Variants in VSTM5 observed in about 807,000 individuals in gnomAD.
VSTM5 encodes the protein V-set and transmembrane domain containing 5.
In VSTM5, 21 loss-of-function variants were observed where a neutral mutation model predicts 20.3. The ratio of observed to expected loss-of-function variants is 1.03; its 90% CI spans 0.73 to 1.49. The LOEUF (loss-of-function observed/expected upper bound fraction) is 1.49, where lower values mean the gene tolerates loss of function less well. Ranked by LOEUF, VSTM5 falls within the 40% of genes most tolerant of loss-of-function variation. VSTM5 has a pLI of 0.00. For missense variants in VSTM5, 219 were observed against 250.0 expected, an observed-to-expected ratio of 0.88 and a Z score of 0.84; for synonymous variants, 100 against 102.5, an observed-to-expected ratio of 0.98 and a Z score of 0.14.
At chr11:93,835,424 A>G (rs1944315811) in intron 1 of VSTM5, among the ~76,000 whole-genome samples, 1 of 152,132 alleles carries the variant, frequency 6.6e-6, no homozygotes, top group African/African-American at 2.4e-5. Flanking sequence ...CCCTGTGTCT[A>G]AAAAAATTTA....
rs146001767 is a variant in VSTM5 at position 93,849,129 on chromosome 11, TTC to T, written c.91+1281_91+1282del. Among the ~76,000 whole-genome samples the T allele has an allele frequency of 3.6e-3, 551 of 152,114 alleles. 4 individuals carry two copies. Among genetic ancestry groups the T allele is most frequent in the African/African-American group, 0.012 (513 of 41,440 alleles). On this transcript the variant is annotated intron_variant, in intron 1 of 3. Transcript: ENST00000409977. ...GTATAAGTTAACATAATATTATTTT[TTC>T]TCTCTCTCTCTTCTTTTCTTTTTCT...
intron 1 of VSTM5, among the ~76,000 whole-genome samples, chr11:93,830,549 C>T (rs631261): frequency 0.74 from 112,943 of 152,196 alleles, 44,597 homozygotes; most frequent in Non-Finnish European, 0.86. Context: ...TGAAAATATA[C>T]TTGCATGAAT....
chr11:93,821,047 G>A lies in VSTM5; in HGVS notation c.368C>T (p.Thr123Met), dbSNP rs376977355. Residue 123 changes from threonine (T) to methionine (M), a missense_variant, in exon 2 of 4, where the codon ACG becomes ATG. By Grantham distance (81) the Thr-to-Met change is moderately conservative. Transcript: ENST00000409977. ...RDSGYYVITVTERLGSSQFGT... is the reference protein window; with the variant it reads ...RDSGYYVITVMERLGSSQFGT... ...AAACTGGCTGCTCCCCAGGCGCTCC[G>A]TCACGGTGATGACATAGTAGCCGGA... The A allele has an allele frequency of 1.0e-4, 161 of 1,551,716 alleles. No individual in the cohort carries two copies. In the African/African-American group the frequency reaches 1.3e-3, roughly 13 times the overall value.
intron 1 of VSTM5, among the ~76,000 whole-genome samples, chr11:93,838,479 C>A (rs995628370): frequency 6.6e-6 from 1 of 150,528 alleles, no homozygotes; most frequent in Non-Finnish European, 1.5e-5. Flanking sequence ...CGTAAAAAAA[C>A]CCACAAAAAA....
At chr11:93,826,069 T>C (rs1944232226) in intron 1 of VSTM5, among the ~76,000 whole-genome samples, 1 of 152,036 alleles carries the variant, frequency 6.6e-6, no homozygotes, top group Admixed American at 6.6e-5. Flanking sequence ...AGTGAAACTG[T>C]ATCTCTACAG....
At chr11:93,827,382 CATAATA>C (rs546699050) in intron 1 of VSTM5, among the ~76,000 whole-genome samples, 1 of 152,156 alleles carries the variant, frequency 6.6e-6, no homozygotes, top group Non-Finnish European at 1.5e-5. Context: ...AACTCCATCT[CATAATA>C]ATAATAATCT....
Position 93,820,996 on chromosome 11 carries a change from C to A in VSTM5, c.418+1G>T, listed in dbSNP as rs746638263. The A allele has an allele frequency of 6.4e-7, 1 of 1,551,466 alleles. No homozygotes were observed. ...GTGCCCGGGGCCCTGGGATGTCTTA[C>A]CAGAGACGTGCAGCACGATGGTGCC... On this transcript the variant is annotated splice_donor_variant, in intron 2 of 3. Transcript: ENST00000409977. LOFTEE classifies it high-confidence loss of function.
rs1231606897 is a variant in VSTM5 at position 93,821,220 on chromosome 11, G to A, written c.195C>T (p.Ile65=). Residue 65 remains isoleucine (I), a synonymous_variant, in exon 2 of 4, where the codon ATC becomes ATT. Transcript: ENST00000409977. ...CCCAATTGGATGAATATGTCCATTCGATGGTGGGCACTCCATGACAGGAGT... is the reference window on the plus strand; with the variant it reads ...CCCAATTGGATGAATATGTCCATTCAATGGTGGGCACTCCATGACAGGAGT... ...VEYSCHGVPT[I]EWTYSSNWGT... is the part of the protein sequence containing the mutation. 7 of 1,552,000 alleles carry A rather than the reference G, an allele frequency of 4.5e-6. No individual in the cohort carries two copies. The highest frequency in any genetic ancestry group is 2.7e-5 in the African/African-American group (2 of 73,136).
chr11:93,824,889 A>C (rs900104915), intron 1 of VSTM5, among the ~76,000 whole-genome samples: 1 of 152,210 alleles, frequency 6.6e-6, no homozygotes, highest in Non-Finnish European at 1.5e-5. Flanking sequence ...ACATGTGAAT[A>C]TTCAGTTTTG....
At chr11:93,835,007 A>G (rs1944312748) in intron 1 of VSTM5, among the ~76,000 whole-genome samples, 1 of 152,106 alleles carries the variant, frequency 6.6e-6, no homozygotes, top group Non-Finnish European at 1.5e-5. Context: ...GCTCTCAATG[A>G]GCCTCCTCAC....
intron 1 of VSTM5, among the ~76,000 whole-genome samples, chr11:93,825,404 A>T (rs1263779659): frequency 6.6e-6 from 1 of 152,212 alleles, no homozygotes; most frequent in Non-Finnish European, 1.5e-5. Flanking sequence ...TCCTGGGCTC[A>T]AGCTATCCAA....
chr11:93,838,636 A>T (rs1246603278), intron 1 of VSTM5, among the ~76,000 whole-genome samples: 1 of 150,696 alleles, frequency 6.6e-6, no homozygotes, highest in Non-Finnish European at 1.5e-5. Flanking sequence ...TTAAAAAAAA[A>T]AAAAAAAAAA....
At chr11:93,828,334 C>T (rs1416872158) in intron 1 of VSTM5, among the ~76,000 whole-genome samples, 2 of 152,182 alleles carry the variant, frequency 1.3e-5, no homozygotes, top group African/African-American at 2.4e-5. Flanking sequence ...GGTAACTAAT[C>T]AGAAAGCTGT....
rs947805489 is a variant in VSTM5 at position 93,818,576 on chromosome 11, G to A, written c.*1993C>T. 6.8e-6 allele frequency: 1 copy of A among 146,726 alleles called. No individual in the cohort carries two copies. Among genetic ancestry groups the A allele is most frequent in the Non-Finnish European group, 1.5e-5 (1 of 67,172 alleles). The allele number at this position is 146,726 out of a possible 1,614,324, so 9.1% of individuals were successfully genotyped here. A position where few individuals can be genotyped will look rare whatever the true frequency, so the allele number is the denominator to read the frequency against. On this transcript the variant is annotated 3_prime_UTR_variant, in exon 4 of 4. Transcript: ENST00000409977. ...TGACATCTGCCATGGAGGCCTCTTA[G>A]TGGGTGTTCTTTTCCAACTCCCCTT...
Position 93,820,493 on chromosome 11 carries a change from A to G in VSTM5, c.*76T>C. On this transcript the variant is annotated 3_prime_UTR_variant, in exon 4 of 4. Coordinates refer to ENST00000409977, the MANE Select transcript of VSTM5 (RefSeq NM_001144871.2). ...TGCAACAGGACCACACACAATGGGT[A>G]TAATAGCTGTGCTTGCTCTTTTTGT... The G allele has an allele frequency of 6.7e-7, 1 of 1,493,162 alleles. No homozygotes were observed. Among genetic ancestry groups the G allele is most frequent in the Non-Finnish European group, 9.1e-7 (1 of 1,096,534 alleles). The allele number at this position is 1,493,162 out of a possible 1,614,324, so 92.5% of individuals were successfully genotyped here. A position where few individuals can be genotyped will look rare whatever the true frequency, so the allele number is the denominator to read the frequency against.
intron 1 of VSTM5, chr11:93,821,583 G>C (rs1944186738): frequency 2.1e-6 from 1 of 480,116 alleles, no homozygotes; most frequent in South Asian, 2.5e-5. Flanking sequence ...CATGAAATCT[G>C]ACACCTTTGT....
chr11:93,835,145 C>T (rs910758950), intron 1 of VSTM5, among the ~76,000 whole-genome samples: 2 of 152,108 alleles, frequency 1.3e-5, no homozygotes, highest in African/African-American at 4.8e-5. Flanking sequence ...ATTCTTATGG[C>T]CAGGTGCAGG....
At chr11:93,843,662 T>C (rs582045) in intron 1 of VSTM5, among the ~76,000 whole-genome samples, 113,520 of 152,070 alleles carry the variant, frequency 0.75, 43,442 homozygotes, top group East Asian at 0.91. Flanking sequence ...GTAATTGTTA[T>C]TTATTAAGTT....
chr11:93,821,234 C>T lies in VSTM5; in HGVS notation c.181G>A (p.Gly61Arg), dbSNP rs1944183271. ...TATGTCCATTCGATGGTGGGCACTC[C>T]ATGACAGGAGTACTCAACTGAGAGC... ...ILLSVEYSCH[G>R]VPTIEWTYSS... Residue 61 changes from glycine (G) to arginine (R), a missense_variant, in exon 2 of 4, where the codon GGA (glycine) becomes AGA (arginine). Transcript: ENST00000409977. 1 of 1,551,968 alleles carries T rather than the reference C, an allele frequency of 6.4e-7. No individual in the cohort carries two copies. Among genetic ancestry groups the T allele is most frequent in the Admixed American group, 2.0e-5 (1 of 51,004 alleles).
Sources: gnomAD v4.1 joint callset for allele counts (sites outside exome capture counted in the v4.1 genomes callset) on GRCh38, gnomAD v4.1.1 for gene constraint, MANE v1.5 for transcripts, NCBI Gene and HGNC (gene_info 2026-07-23, HGNC 2026-07-21) for gene names.